The following ZC3H13 variants were observed in gnomAD, a reference collection of about 807,000 sequenced individuals.
ZC3H13 encodes the protein zinc finger CCCH-type containing 13.
In ZC3H13, 64 loss-of-function variants were observed where a neutral mutation model predicts 204.1. The observed-to-expected ratio is 0.31, with a 90% CI of 0.26 to 0.39. The LOEUF (loss-of-function observed/expected upper bound fraction) is 0.39, where lower values mean the gene tolerates loss of function less well. Ranked by LOEUF, ZC3H13 falls within the 10% of genes least tolerant of loss-of-function variation. The pLI, the probability that ZC3H13 is intolerant of heterozygous loss-of-function variation, is 1.00. For missense variants in ZC3H13, 1,833 were observed against 2,082.7 expected (o/e 0.88, Z 2.33); for synonymous variants, 667 against 693.7 (o/e 0.96, Z 0.60).
At chr13:45,982,337 T>A (rs1031388127) in intron 10 of ZC3H13, among the ~76,000 whole-genome samples, 1 of 152,006 alleles carries the variant, frequency 6.6e-6, no homozygotes, top group Non-Finnish European at 1.5e-5. Context: ...GGATTAACCA[T>A]CAGATTAGAT....
intron 9 of ZC3H13, among the ~76,000 whole-genome samples, chr13:45,988,048 C>T (rs75274420): frequency 1.3e-5 from 2 of 152,260 alleles, no homozygotes; most frequent in Admixed American, 1.3e-4. Context: ...CAATGACCTT[C>T]TAACAATTCC....
At chr13:45,976,048 C>T (rs534498757) in intron 11 of ZC3H13, 4 of 834,438 alleles carry the variant, frequency 4.8e-6, no homozygotes, top group Admixed American at 6.2e-5. Context: ...TGCCCTCTAA[C>T]GACCATGTTT....
rs1406270780 is a variant in ZC3H13 at position 45,969,977 on chromosome 13, T to C, written c.2573-6A>G. 25 of 1,594,386 alleles carry C rather than the reference T, an allele frequency of 1.6e-5. No homozygotes were observed. Among genetic ancestry groups the C allele is most frequent in the East Asian group, 4.5e-5 (2 of 44,818 alleles). ...CAAGAGTCTGTGTTTTTCATCTATA[T>C]AAAAGATAAAAGCAATCACACTCTC... On this transcript the variant is annotated splice_region_variant and splice_polypyrimidine_tract_variant and intron_variant, in intron 13 of 18. Coordinates refer to ENST00000679008, the MANE Select transcript of ZC3H13 (RefSeq NM_001330564.2).
chr13:45,957,359 G>A, intron 18 of ZC3H13, 62 bp from the exon 19 acceptor site: 1 of 1,342,590 alleles, frequency 7.4e-7, no homozygotes, highest in South Asian at 2.0e-5. Context: ...GGAAAGATGG[G>A]CAGGTTAACC....
At chr13:45,987,115 T>C (rs1374468586) in intron 9 of ZC3H13, among the ~76,000 whole-genome samples, 1 of 152,214 alleles carries the variant, frequency 6.6e-6, no homozygotes, top group African/African-American at 2.4e-5. Flanking sequence ...TCTTTACAAA[T>C]ACGTCTAGGT....
In ZC3H13 at chr13:45,970,353, T is replaced by C. The variant is rs746696968; in HGVS notation, c.2572+9A>G. 9 of 1,612,190 alleles carry C rather than the reference T, an allele frequency of 5.6e-6. No individual in the cohort carries two copies. Among genetic ancestry groups the C allele is most frequent in the Middle Eastern group, 1.6e-4 (1 of 6,072 alleles). ...GAATATAGAGAGACAGAAAACAGAG[T>C]CTGCTTACTTTTATCATCTCCACTG... is the stretch of plus-strand genomic sequence containing the variant. On this transcript the variant is annotated intron_variant, in intron 13 of 18. Transcript: ENST00000679008.
intron 4 of ZC3H13, among the ~76,000 whole-genome samples, chr13:46,032,813 T>C (rs955914848): frequency 6.6e-6 from 1 of 152,070 alleles, no homozygotes. Flanking sequence ...TATGTAACTA[T>C]AAAAAAGCTT....
chr13:46,044,804 A>G (rs1373529135), intron 3 of ZC3H13, 151 bp downstream of exon 3: 1 of 409,208 alleles, frequency 2.4e-6, no homozygotes, highest in Non-Finnish European at 4.3e-6. Context: ...AAAATAACAA[A>G]AAGATCCTGT....
At chr13:45,957,469 T>C (rs974816425) in intron 18 of ZC3H13, among the ~76,000 whole-genome samples, 172 bp from the exon 19 acceptor site, 16 of 152,344 alleles carry the variant, frequency 1.1e-4, no homozygotes, top group East Asian at 7.7e-4. Flanking sequence ...TTGGGCTCAA[T>C]GAATCTTTGA....
chr13:46,033,317 TAGAC>T (rs1386346875), intron 4 of ZC3H13, among the ~76,000 whole-genome samples: 3 of 152,086 alleles, frequency 2.0e-5, no homozygotes, highest in Admixed American at 6.5e-5. Flanking sequence ...ATATTCCTAA[TAGAC>T]AGATTTAACA....
chr13:45,980,898 T>C (rs934832652), intron 10 of ZC3H13, among the ~76,000 whole-genome samples: 1 of 152,190 alleles, frequency 6.6e-6, no homozygotes, highest in African/African-American at 2.4e-5. Flanking sequence ...AGTGCATGTA[T>C]ACTGGTGAAA....
Position 45,975,902 on chromosome 13 carries a change from T to A in ZC3H13, c.1913-64A>T, listed in dbSNP as rs768848508. The stretch of plus-strand genomic sequence containing the variant: ...CAGATAACCTATTGGTAAGACAGCA[T>A]GGTAAATCTTAAATTTTATCTGTGA... On this transcript the variant is annotated intron_variant, in intron 11 of 18. Transcript: ENST00000679008. 27 of 1,480,794 alleles carry A rather than the reference T, an allele frequency of 1.8e-5. 1 individual carries two copies. In the South Asian group the frequency reaches 3.2e-4, roughly 17 times the overall value. The allele number at this position is 1,480,794 out of a possible 1,614,324, so 91.7% of individuals were successfully genotyped here.
chr13:46,027,837 A>G (rs2042635517), intron 4 of ZC3H13, among the ~76,000 whole-genome samples: 1 of 152,224 alleles, frequency 6.6e-6, no homozygotes, highest in Admixed American at 6.5e-5. Context: ...AAGAATGAAC[A>G]AAGAATCACA....
intron 10 of ZC3H13, among the ~76,000 whole-genome samples, chr13:45,980,590 A>G (rs750211829): frequency 6.6e-6 from 1 of 152,240 alleles, no homozygotes; most frequent in African/African-American, 2.4e-5. Flanking sequence ...ACTATTCGGC[A>G]ATAAAAATGA....
chr13:45,985,272 T>C, intron 10 of ZC3H13, 25 bp downstream of exon 10: 3 of 1,577,674 alleles, frequency 1.9e-6, no homozygotes, highest in Non-Finnish European at 2.6e-6. Flanking sequence ...TAAGATATAG[T>C]TCATAGACAA....
chr13:46,050,458 T>A (rs1211026842), intron 1 of ZC3H13, among the ~76,000 whole-genome samples: 2 of 152,124 alleles, frequency 1.3e-5, no homozygotes, highest in African/African-American at 4.8e-5. Context: ...TTAATCCGGA[T>A]GAGTAGCGGC....
intron 4 of ZC3H13, among the ~76,000 whole-genome samples, chr13:46,041,880 T>C (rs2043610568): frequency 6.6e-6 from 1 of 152,100 alleles, no homozygotes; most frequent in South Asian, 2.1e-4. Context: ...AAGATACTCA[T>C]GATCCTCGTC....
In ZC3H13 at chr13:45,957,332, G is replaced by T. The variant is rs139519482; in HGVS notation, c.4840-35C>A. On this transcript the variant is annotated intron_variant, in intron 18 of 18. Coordinates refer to ENST00000679008, the MANE Select transcript of ZC3H13 (RefSeq NM_001330564.2). ...GAAAACAAAAACAAACTTTAAAAAA[G>T]ATGTACATTATTAGTAGGAAAGATG... 5.7e-4 allele frequency: 820 copies of T among 1,439,418 alleles called. 9 individuals are homozygous for T. The African/African-American group carries it at 9.8e-3, about 17-fold the overall frequency. 89.2% of individuals were successfully genotyped at this position (1,439,418 alleles called of 1,614,324 possible).
At chr13:45,958,145 G>C (rs1335692207) in intron 18 of ZC3H13, among the ~76,000 whole-genome samples, 1 of 151,986 alleles carries the variant, frequency 6.6e-6, no homozygotes, top group Admixed American at 6.6e-5. Context: ...CCTGTTCCTC[G>C]TATTTGTTTC....
Sources: gnomAD v4.1 joint callset for allele counts (sites outside exome capture counted in the v4.1 genomes callset) on GRCh38, gnomAD v4.1.1 for gene constraint, MANE v1.5 for transcripts, NCBI Gene and HGNC (gene_info 2026-07-23, HGNC 2026-07-21) for gene names.